Variants in CFAP91 observed in about 807,000 individuals in gnomAD.
The protein encoded by CFAP91 is cilia and flagella associated protein 91, also known as cilia- and flagella-associated protein 91.
A neutral mutation model predicts 95.9 loss-of-function variants in CFAP91; 85 were observed. The observed-to-expected ratio is 0.89, with a 90% confidence interval of 0.74 to 1.06. The LOEUF (loss-of-function observed/expected upper bound fraction) is 1.06, where lower values mean the gene tolerates loss of function less well. Among genes scored for constraint, CFAP91 ranks in the 50% least tolerant of loss-of-function variants. The probability of loss-of-function intolerance (pLI) is 0.00; values close to 1 mark genes in which losing one functional copy is unlikely to be tolerated. For synonymous variants in CFAP91, 335 were observed against 327.5 expected (o/e 1.02, Z -0.25); for missense variants, 962 against 943.4 (o/e 1.02, Z -0.26).
chr3:119,711,357 A>G (rs7615769), intron 5 of CFAP91, among the ~76,000 whole-genome samples: 111,229 of 152,102 alleles, frequency 0.73, 42,522 homozygotes, highest in Non-Finnish European at 0.85. Context: ...AAGGGGAGCT[A>G]TGAGCTATGT....
At chr3:119,741,088 G>A (rs2054113033) in intron 13 of CFAP91, among the ~76,000 whole-genome samples, 1 of 152,184 alleles carries the variant, frequency 6.6e-6, no homozygotes, top group Admixed American at 6.5e-5. Context: ...CTGACCTCAG[G>A]TGATCCGCCT....
chr3:119,732,740 A>G (rs2053926996), intron 9 of CFAP91, among the ~76,000 whole-genome samples: 1 of 152,256 alleles, frequency 6.6e-6, no homozygotes, highest in Non-Finnish European at 1.5e-5. Flanking sequence ...GTTATTTAAC[A>G]ATGAAATTGA....
intron 6 of CFAP91, among the ~76,000 whole-genome samples, chr3:119,718,825 A>G (rs1368341020): frequency 1.3e-5 from 2 of 152,178 alleles, no homozygotes; most frequent in Admixed American, 1.3e-4. Flanking sequence ...TATCTATCTC[A>G]TAGGATACTG....
intron 1 of CFAP91, 75 bp from the exon 2 acceptor site, chr3:119,706,734 A>G (rs111522680): frequency 1.3e-4 from 140 of 1,101,324 alleles, no homozygotes; most frequent in Non-Finnish European, 1.4e-4. Context: ...AAGAGATTAC[A>G]TTACTTTGCC....
chr3:119,741,380 C>T (rs1359388910), intron 13 of CFAP91, among the ~76,000 whole-genome samples: 7 of 152,066 alleles, frequency 4.6e-5, no homozygotes, highest in Admixed American at 2.6e-4. Context: ...TAAGATTTAT[C>T]TTAAAATATT....
At chr3:119,764,644 G>T (rs1212926309) in intron 17 of CFAP91, among the ~76,000 whole-genome samples, 1 of 151,960 alleles carries the variant, frequency 6.6e-6, no homozygotes, top group Non-Finnish European at 1.5e-5. Context: ...TATACATTAT[G>T]CCTGCAGTAT....
At chr3:119,707,612 CT>C (rs1260441722) in intron 3 of CFAP91, 51 bp downstream of exon 3, 2 of 1,466,654 alleles carry the variant, frequency 1.4e-6, no homozygotes, top group Non-Finnish European at 1.8e-6. Flanking sequence ...AAAAGCATTT[CT>C]TTAAATTCAT....
chr3:119,734,601 C>T (rs1323622587), intron 10 of CFAP91, among the ~76,000 whole-genome samples: 7 of 152,018 alleles, frequency 4.6e-5, no homozygotes, highest in Non-Finnish European at 8.8e-5. Context: ...ATTAATCTAT[C>T]CTTGCATACC....
At chr3:119,744,236 G>A in intron 14 of CFAP91, 40 bp downstream of exon 14, 2 of 1,515,100 alleles carry the variant, frequency 1.3e-6, no homozygotes, top group Non-Finnish European at 1.8e-6. Flanking sequence ...CTGCCTAGAA[G>A]GAGCCAAGTC....
In CFAP91 at chr3:119,766,406, CTGAGGA is replaced by C. The variant is rs2054629209; in HGVS notation, c.*1358_*1363del. Reference sequence around the variant, plus strand: ...AGGATTGGGACACCTTTTTTTCCCCCTGAGGATCACTGACAAAAAACACTGCACCAG... The same window carrying C: ...AGGATTGGGACACCTTTTTTTCCCCCTCACTGACAAAAAACACTGCACCAG... On this transcript the variant is annotated 3_prime_UTR_variant, in exon 18 of 18. Transcript: ENST00000273390. 1 of 151,780 alleles carries C rather than the reference CTGAGGA, an allele frequency of 6.6e-6. No individual in the cohort carries two copies. The highest frequency in any genetic ancestry group is 1.5e-5 in the Non-Finnish European group (1 of 67,920). 9.4% of individuals were successfully genotyped at this position (151,780 alleles called of 1,614,324 possible).
At position 119,766,510 on chromosome 3, in the gene CFAP91, A is replaced by G. The variant is rs2054630563; in HGVS notation, c.*1460A>G. ...GAGCTAGGTAAAGGTTATATCATTCACTTTTGAAATAAACCATCGAGAACA... is the reference window on the plus strand; with the variant it reads ...GAGCTAGGTAAAGGTTATATCATTCGCTTTTGAAATAAACCATCGAGAACA... On this transcript the variant is annotated 3_prime_UTR_variant, in exon 18 of 18. Coordinates refer to ENST00000273390, the MANE Select transcript of CFAP91 (RefSeq NM_033364.4). The G allele has an allele frequency of 6.6e-6, 1 of 152,176 alleles. No homozygotes were observed. The highest frequency in any genetic ancestry group is 1.5e-5 in the Non-Finnish European group (1 of 68,032). The allele number at this position is 152,176 out of a possible 1,614,324, so 9.4% of individuals were successfully genotyped here.
chr3:119,708,224 C>T (rs947036729), intron 3 of CFAP91, among the ~76,000 whole-genome samples: 2 of 148,794 alleles, frequency 1.3e-5, no homozygotes, highest in Non-Finnish European at 3.0e-5. Context: ...GAGATTGCAC[C>T]ACTGCACTCC....
chr3:119,712,441 G>GA (rs1157948389), intron 5 of CFAP91, among the ~76,000 whole-genome samples: 3 of 151,998 alleles, frequency 2.0e-5, no homozygotes, highest in Non-Finnish European at 4.4e-5. Flanking sequence ...TTTAATTTGA[G>GA]AAAAAATAAT....
At position 119,761,051 on chromosome 3, in the gene CFAP91, C is replaced by G. The variant is rs536969869; in HGVS notation, c.*2-4001C>G. Reference sequence around the variant, plus strand: ...AGACCAGAAATAAGTGAAATAGAAACTAGAAAAATAATAGAAAAGATCAAC... The same window carrying G: ...AGACCAGAAATAAGTGAAATAGAAAGTAGAAAAATAATAGAAAAGATCAAC... On this transcript the variant is annotated intron_variant, in intron 17 of 17. Coordinates refer to ENST00000273390, the MANE Select transcript of CFAP91 (RefSeq NM_033364.4). Among the ~76,000 whole-genome samples, 6 of 151,398 alleles carry G rather than the reference C, an allele frequency of 4.0e-5. No homozygotes were observed. The East Asian group carries it at 1.2e-3, about 29-fold the overall frequency.
chr3:119,708,636 T>C lies in CFAP91; in HGVS notation c.405T>C (p.Pro135=). 2 of 1,606,116 alleles carry C rather than the reference T, an allele frequency of 1.2e-6. No individual in the cohort carries two copies. Among genetic ancestry groups the C allele is most frequent in the Middle Eastern group, 1.7e-4 (1 of 6,036 alleles). The change falls in exon 4 of 18, where the codon CCT becomes CCC. Residue 135 remains proline, a synonymous_variant. Transcript: ENST00000273390. ...FQMPKEVYED[P]EVTGKNRYKY... The stretch of plus-strand genomic sequence containing the variant: ...TGCCTAAAGAAGTTTATGAAGATCC[T>C]GAAGTTACTGGAAAGAATCGCTATA...
At chr3:119,748,175 GTATTTTTTTATT>G (rs1206999196) in intron 16 of CFAP91, among the ~76,000 whole-genome samples, 2 of 152,094 alleles carry the variant, frequency 1.3e-5, no homozygotes, top group East Asian at 3.8e-4. Context: ...CAGAAGAGCT[GTATTTTTTTATT>G]TATTTTTTTA....
At chr3:119,710,211 A>G in intron 5 of CFAP91, 2 of 215,738 alleles carry the variant, frequency 9.3e-6, no homozygotes, top group South Asian at 2.0e-4. Context: ...TTAGTTGTCC[A>G]TTTGTGCTGC....
At chr3:119,759,275 T>G (rs1488785618) in intron 17 of CFAP91, among the ~76,000 whole-genome samples, 1 of 151,994 alleles carries the variant, frequency 6.6e-6, no homozygotes, top group Non-Finnish European at 1.5e-5. Flanking sequence ...TGTTTAGGAA[T>G]GCATACTTAG....
intron 3 of CFAP91, among the ~76,000 whole-genome samples, chr3:119,708,163 C>T (rs1397151903): frequency 6.6e-6 from 1 of 151,482 alleles, no homozygotes; most frequent in African/African-American, 2.4e-5. Flanking sequence ...TGCCTGTAGT[C>T]CCAGCTACTT....
Sources: gnomAD v4.1 joint callset for allele counts (sites outside exome capture counted in the v4.1 genomes callset) on GRCh38, gnomAD v4.1.1 for gene constraint, MANE v1.5 for transcripts, NCBI Gene and HGNC (gene_info 2026-07-23, HGNC 2026-07-21) for gene names.